Variants in SYT16 observed in about 807,000 individuals in gnomAD.
SYT16 encodes the protein synaptotagmin 16, also known as synaptotagmin-16.
A neutral mutation model predicts 61.4 loss-of-function variants in SYT16; 42 were observed. The ratio of observed to expected loss-of-function variants is 0.68; its 90% CI spans 0.53 to 0.89. The LOEUF (loss-of-function observed/expected upper bound fraction) is 0.89, where lower values mean the gene tolerates loss of function less well. Ranked by LOEUF, SYT16 falls within the 40% of genes least tolerant of loss-of-function variation. The probability of loss-of-function intolerance (pLI) is 0.00; values close to 1 mark genes in which losing one functional copy is unlikely to be tolerated. For synonymous variants in SYT16, 314 were observed against 302.3 expected, an observed-to-expected ratio of 1.04 and a Z score of -0.40; for missense variants, 804 against 807.3, an observed-to-expected ratio of 1.00 and a Z score of 0.05.
At chr14:61,883,061 C>A (rs984143419) in intron 1 of SYT16, among the ~76,000 whole-genome samples, 1 of 152,194 alleles carries the variant, frequency 6.6e-6, no homozygotes, top group Non-Finnish European at 1.5e-5. Context: ...TGTCCTGAGG[C>A]TGCACAGAGC....
In SYT16 at chr14:61,913,704, T is replaced by TGTGTG. The variant is rs149203556; in HGVS notation, c.-324-56428_-324-56427insGTGTG. ...AATAAGATCATCCTTCTTTGGGTCTTTGTGTGTGTGTGTGTGTGTGTGTGT... is the reference window on the plus strand; with the variant it reads ...AATAAGATCATCCTTCTTTGGGTCTTGTGTGTGTGTGTGTGTGTGTGTGTGTGTGT... On this transcript the variant is annotated intron_variant, in intron 1 of 7. Coordinates refer to ENST00000683842, the MANE Select transcript of SYT16 (RefSeq NM_001367656.1). 3.4e-5 allele frequency among the ~76,000 whole-genome samples: 5 copies of TGTGTG among 145,758 alleles called. No individual in the cohort carries two copies. In the East Asian group the frequency reaches 8.0e-4, roughly 23 times the overall value.
intron 3 of SYT16, among the ~76,000 whole-genome samples, chr14:62,048,736 C>T (rs998613408): frequency 3.9e-5 from 6 of 152,046 alleles, no homozygotes; most frequent in Non-Finnish European, 8.8e-5. Context: ...TATTATGTAC[C>T]CAGTAGTCAT....
intron 3 of SYT16, among the ~76,000 whole-genome samples, chr14:62,029,540 T>C (rs546748489): frequency 6.6e-6 from 1 of 152,322 alleles, no homozygotes; most frequent in East Asian, 1.9e-4. Flanking sequence ...ACACTTCCTT[T>C]CGGGAGTTCT....
intron 5 of SYT16, among the ~76,000 whole-genome samples, chr14:62,075,776 T>G (rs1341278377): frequency 6.6e-6 from 1 of 152,190 alleles, no homozygotes; most frequent in Non-Finnish European, 1.5e-5. Context: ...TTCAATTAAG[T>G]GGAGTCTATT....
intron 2 of SYT16, among the ~76,000 whole-genome samples, chr14:61,982,835 G>C (rs2052142388): frequency 6.6e-6 from 1 of 152,114 alleles, no homozygotes; most frequent in South Asian, 2.1e-4. Context: ...CTAAAAACTG[G>C]CATCATTAAC....
intron 1 of SYT16, among the ~76,000 whole-genome samples, chr14:61,930,978 T>C (rs1444997929): frequency 6.6e-6 from 1 of 152,230 alleles, no homozygotes; most frequent in African/African-American, 2.4e-5. Context: ...TTTGGACTTC[T>C]GACCTACAGA....
intron 1 of SYT16, among the ~76,000 whole-genome samples, chr14:61,892,941 A>G (rs2048190849): frequency 6.6e-6 from 1 of 151,994 alleles, no homozygotes; most frequent in South Asian, 2.1e-4. Flanking sequence ...GGTCCAGTGC[A>G]GGTGGGGCCG....
At chr14:62,012,071 A>T (rs1298942527) in intron 3 of SYT16, among the ~76,000 whole-genome samples, 1 of 151,604 alleles carries the variant, frequency 6.6e-6, no homozygotes, top group Non-Finnish European at 1.5e-5. Context: ...TTAGTTATCT[A>T]TTCATGCATA....
chr14:62,105,340 A>G lies in SYT16; in HGVS notation c.*4633A>G, dbSNP rs533899210. 12 of 152,314 alleles carry G rather than the reference A, an allele frequency of 7.9e-5. No homozygotes were observed. The highest frequency in any genetic ancestry group is 1.5e-4 in the Non-Finnish European group (10 of 68,030). The allele number at this position is 152,314 out of a possible 1,614,324, so 9.4% of individuals were successfully genotyped here. ...AATGGCAGTTTGACTACATATTTCAACTGTGATCCAAAAAAGTAAAATAAA... is the reference window on the plus strand; with the variant it reads ...AATGGCAGTTTGACTACATATTTCAGCTGTGATCCAAAAAAGTAAAATAAA... On this transcript the variant is annotated 3_prime_UTR_variant, in exon 8 of 8. Coordinates refer to ENST00000683842, the MANE Select transcript of SYT16 (RefSeq NM_001367656.1).
At chr14:61,821,372 C>T (rs2045613873) in intron 1 of SYT16, among the ~76,000 whole-genome samples, 5 of 152,020 alleles carry the variant, frequency 3.3e-5, no homozygotes, top group Admixed American at 3.3e-4. Flanking sequence ...AACAAATTAC[C>T]ACAAAGCTAG....
intron 1 of SYT16, among the ~76,000 whole-genome samples, chr14:61,910,526 T>A (rs1417867546): frequency 1.0e-4 from 5 of 48,958 alleles, no homozygotes; most frequent in African/African-American, 2.4e-4. Flanking sequence ...CATCCCGCTG[T>A]TTTGTTTTTT....
chr14:62,036,530 A>AT (rs2054514707), intron 3 of SYT16, among the ~76,000 whole-genome samples: 1 of 152,174 alleles, frequency 6.6e-6, no homozygotes, highest in Non-Finnish European at 1.5e-5. Context: ...CGTGCGGCTA[A>AT]TAAAGACATA....
intron 1 of SYT16, among the ~76,000 whole-genome samples, chr14:61,867,196 C>G (rs1217327998): frequency 2.0e-5 from 3 of 151,678 alleles, no homozygotes; most frequent in African/African-American, 7.3e-5. Flanking sequence ...AAATCTTTTT[C>G]TTTTTCATTT....
intron 3 of SYT16, among the ~76,000 whole-genome samples, chr14:62,050,491 C>T (rs980964711): frequency 1.3e-5 from 2 of 152,202 alleles, no homozygotes; most frequent in Non-Finnish European, 2.9e-5. Context: ...TATTCTCCGT[C>T]CAGCTTTGTT....
intron 1 of SYT16, among the ~76,000 whole-genome samples, chr14:61,858,864 T>C (rs895962988): frequency 6.6e-6 from 1 of 150,530 alleles, no homozygotes; most frequent in Middle Eastern, 3.4e-3. Flanking sequence ...CTTTTCTTTT[T>C]TTTTTTTTGA....
chr14:62,031,040 C>T (rs1209132868), intron 3 of SYT16, among the ~76,000 whole-genome samples: 2 of 152,268 alleles, frequency 1.3e-5, no homozygotes, highest in South Asian at 4.1e-4. Flanking sequence ...GTGAGAATTA[C>T]ATGGGATGTT....
intron 1 of SYT16, among the ~76,000 whole-genome samples, chr14:61,951,610 G>A (rs2050673096): frequency 6.6e-6 from 1 of 151,952 alleles, no homozygotes; most frequent in Non-Finnish European, 1.5e-5. Context: ...GTCTGAAGTA[G>A]ACTTATCTCT....
intron 3 of SYT16, among the ~76,000 whole-genome samples, chr14:62,008,544 C>G (rs1215682687): frequency 6.6e-6 from 1 of 151,788 alleles, no homozygotes; most frequent in Non-Finnish European, 1.5e-5. Context: ...CCCTAAGAAG[C>G]CCTTTTTGTT....
chr14:61,838,003 C>T (rs568652707), intron 1 of SYT16, among the ~76,000 whole-genome samples: 2 of 152,222 alleles, frequency 1.3e-5, no homozygotes, highest in East Asian at 1.9e-4. Flanking sequence ...ATTTCGTTGC[C>T]CCTGTAATGA....
Sources: allele counts gnomAD v4.1 joint callset (sites outside exome capture counted in the v4.1 genomes callset), GRCh38; gene constraint gnomAD v4.1.1; transcripts MANE v1.5; gene names NCBI Gene and HGNC (gene_info 2026-07-23, HGNC 2026-07-21).